SPAG6: variants seen among roughly 807,000 people sequenced by gnomAD.
SPAG6 encodes the protein sperm associated antigen 6, also known as sperm-associated antigen 6.
In SPAG6, 49 loss-of-function variants were observed where a neutral mutation model predicts 58.5. The observed-to-expected ratio is 0.84, with a 90% CI of 0.67 to 1.06. SPAG6 has a LOEUF of 1.06. SPAG6 is among the 50% of genes least tolerant of loss of function. SPAG6 has a pLI of 0.00. For synonymous variants in SPAG6, 233 were observed against 225.6 expected, an observed-to-expected ratio of 1.03 and a Z score of -0.29; for missense variants, 560 against 611.3, an observed-to-expected ratio of 0.92 and a Z score of 0.89.
In SPAG6 at chr10:22,381,140, C is replaced by G. The variant is rs578068633; in HGVS notation, c.473-5614C>G. 1.4e-3 allele frequency among the ~76,000 whole-genome samples: 216 copies of G among 151,848 alleles called. 1 individual carries two copies. Among genetic ancestry groups the G allele is most frequent in the African/African-American group, 5.1e-3 (213 of 41,412 alleles). ...ACAATAGTGGTTCTTCCTCTGTGAC[C>G]CCAAACATGACTTCAAAAATTAAAA... On this transcript the variant is annotated intron_variant, in intron 4 of 10. Coordinates refer to ENST00000376624, the MANE Select transcript of SPAG6 (RefSeq NM_012443.4).
At chr10:22,379,495 G>A (rs1196142415) in intron 4 of SPAG6, among the ~76,000 whole-genome samples, 1 of 152,164 alleles carries the variant, frequency 6.6e-6, no homozygotes, top group Non-Finnish European at 1.5e-5. Flanking sequence ...TTTGGAGGAA[G>A]CCTCATCATG....
intron 4 of SPAG6, among the ~76,000 whole-genome samples, chr10:22,371,054 C>G (rs1004571962): frequency 5.9e-5 from 9 of 152,078 alleles, no homozygotes; most frequent in Non-Finnish European, 1.0e-4. Flanking sequence ...ATTCCAAATT[C>G]TTGGTATAAT....
intron 9 of SPAG6, among the ~76,000 whole-genome samples, chr10:22,409,524 C>T (rs1032411526): frequency 6.6e-6 from 1 of 152,092 alleles, no homozygotes; most frequent in Non-Finnish European, 1.5e-5. Flanking sequence ...GCAGACAAAA[C>T]AATTAGAAAA....
At chr10:22,364,673 C>T (rs1837142707) in intron 2 of SPAG6, among the ~76,000 whole-genome samples, 180 bp from the exon 3 acceptor site, 1 of 152,120 alleles carries the variant, frequency 6.6e-6, no homozygotes, top group Non-Finnish European at 1.5e-5. Context: ...ACAATGATCG[C>T]TTGTATTATT....
intron 6 of SPAG6, among the ~76,000 whole-genome samples, chr10:22,388,896 T>C (rs1367987558): frequency 6.6e-6 from 1 of 152,158 alleles, no homozygotes; most frequent in East Asian, 1.9e-4. Context: ...TGAGGAATTT[T>C]GACATCCATT....
chr10:22,381,456 C>T (rs557605659), intron 4 of SPAG6, among the ~76,000 whole-genome samples: 24 of 151,690 alleles, frequency 1.6e-4, no homozygotes, highest in Non-Finnish European at 3.1e-4. Context: ...AACTGCTGCC[C>T]CTTGTAGATG....
At chr10:22,399,805 A>G (rs1201588953) in intron 8 of SPAG6, among the ~76,000 whole-genome samples, 6 of 152,200 alleles carry the variant, frequency 3.9e-5, no homozygotes, top group Admixed American at 6.5e-5. Flanking sequence ...CTTTTCACTG[A>G]TAACAGTGAA....
chr10:22,371,730 A>G lies in SPAG6; in HGVS notation c.472+3052A>G, dbSNP rs113637640. Among the ~76,000 whole-genome samples, 213 of 152,372 alleles carry G rather than the reference A, an allele frequency of 1.4e-3. 4 individuals carry two copies. Among genetic ancestry groups the G allele is most frequent in the African/African-American group, 4.6e-3 (192 of 41,596 alleles). On this transcript the variant is annotated intron_variant, in intron 4 of 10. Transcript: ENST00000376624. ...AATATATACTTTTAAGGGCAATAGA[A>G]GGAAAAAGTTCTGTGTACAGGAAAC...
chr10:22,365,122 G>A, intron 3 of SPAG6, 103 bp downstream of exon 3: 1 of 733,830 alleles, frequency 1.4e-6, no homozygotes, highest in Non-Finnish European at 2.1e-6. Flanking sequence ...AATTATTAGG[G>A]GGTTAACACA....
intron 4 of SPAG6, among the ~76,000 whole-genome samples, chr10:22,377,459 T>C (rs1169279139): frequency 2.0e-5 from 3 of 152,208 alleles, no homozygotes; most frequent in Non-Finnish European, 4.4e-5. Context: ...GTAATCTGAA[T>C]GCAAAAGAGG....
intron 4 of SPAG6, among the ~76,000 whole-genome samples, chr10:22,375,674 G>A (rs572924526): frequency 1.4e-4 from 20 of 146,190 alleles, no homozygotes; most frequent in African/African-American, 4.3e-4. Context: ...CCCCTCCCAG[G>A]TTCAAGCGAT....
intron 8 of SPAG6, among the ~76,000 whole-genome samples, chr10:22,394,344 C>A (rs1178383763): frequency 6.6e-6 from 1 of 152,054 alleles, no homozygotes; most frequent in African/African-American, 2.4e-5. Context: ...AATGTTTCAT[C>A]TTACTTTGGC....
chr10:22,370,975 T>A (rs574118694), intron 4 of SPAG6, among the ~76,000 whole-genome samples: 1 of 152,324 alleles, frequency 6.6e-6, no homozygotes, highest in South Asian at 2.1e-4. Context: ...AACATTTCCA[T>A]CCCTTCATTT....
intron 2 of SPAG6, among the ~76,000 whole-genome samples, chr10:22,348,883 A>G (rs547794565): frequency 9.2e-5 from 14 of 152,300 alleles, no homozygotes; most frequent in African/African-American, 3.4e-4. Flanking sequence ...CCCAGACTGG[A>G]GTGCAGTGGT....
intron 4 of SPAG6, among the ~76,000 whole-genome samples, chr10:22,384,447 G>A (rs1476319819): frequency 6.6e-6 from 1 of 152,212 alleles, no homozygotes; most frequent in Non-Finnish European, 1.5e-5. Context: ...GAAATAGCCT[G>A]TTGGATGTGT....
Position 22,368,496 on chromosome 10 carries a change from G to A in SPAG6, c.290G>A (p.Arg97His), listed in dbSNP as rs751414200. Residue 97 changes from arginine to histidine, a missense_variant and splice_region_variant, in exon 4 of 11, where the codon CGC (arginine) becomes CAC (histidine). Transcript: ENST00000376624. Reference sequence around the variant, plus strand: ...GTTTTGTCTGTTTGACCCTTGTAGCGCTTCTACAAGAAAGCAGCTGCCTTT... The same window carrying A: ...GTTTTGTCTGTTTGACCCTTGTAGCACTTCTACAAGAAAGCAGCTGCCTTT... The part of the protein sequence containing the change: ...QLVYSLAEQN[R>H]FYKKAAAFVL... The A allele has an allele frequency of 1.5e-5, 24 of 1,612,254 alleles. No homozygotes were observed. Among genetic ancestry groups the A allele is most frequent in the South Asian group, 2.2e-5 (2 of 90,818 alleles).
At chr10:22,390,707 T>C (rs1180683615) in intron 7 of SPAG6, among the ~76,000 whole-genome samples, 4 of 152,184 alleles carry the variant, frequency 2.6e-5, no homozygotes, top group African/African-American at 9.6e-5. Context: ...CCTGGACATG[T>C]GGGCTTTCTG....
intron 4 of SPAG6, among the ~76,000 whole-genome samples, chr10:22,380,610 A>G (rs1272711634): frequency 1.3e-5 from 2 of 152,070 alleles, no homozygotes; most frequent in Non-Finnish European, 2.9e-5. Context: ...CCCAGGCAAA[A>G]TGTAGATTTT....
chr10:22,402,882 T>C (rs1224627601), intron 9 of SPAG6, among the ~76,000 whole-genome samples: 1 of 152,232 alleles, frequency 6.6e-6, no homozygotes, highest in East Asian at 1.9e-4. Context: ...GACAGAGTTA[T>C]CTGTTCTTGA....
Sources: allele counts gnomAD v4.1 joint callset (sites outside exome capture counted in the v4.1 genomes callset), GRCh38; gene constraint gnomAD v4.1.1; transcripts MANE v1.5; gene names NCBI Gene and HGNC (gene_info 2026-07-23, HGNC 2026-07-21).